DCC: variants seen among roughly 807,000 people sequenced by gnomAD.
DCC encodes netrin receptor DCC.
DCC carries 58 observed loss-of-function variants against 172.5 expected under a neutral mutation model. The observed-to-expected ratio is 0.34, with a 90% CI of 0.27 to 0.42. The LOEUF is 0.42. Ranked by LOEUF, DCC falls within the 10% of genes least tolerant of loss-of-function variation. The pLI is 1.00. For synonymous variants in DCC, 709 were observed against 644.5 expected, an observed-to-expected ratio of 1.10 and a Z score of -1.52; for missense variants, 1,740 against 1,791.0, an observed-to-expected ratio of 0.97 and a Z score of 0.51.
chr18:52,852,755 C>T (rs1200560115), intron 2 of DCC, among the ~76,000 whole-genome samples: 1 of 152,092 alleles, frequency 6.6e-6, no homozygotes, highest in Non-Finnish European at 1.5e-5. Context: ...ATTCTCCAAG[C>T]CACATAAATA....
chr18:53,501,667 A>G (rs1011893953), intron 27 of DCC, among the ~76,000 whole-genome samples: 4 of 152,194 alleles, frequency 2.6e-5, no homozygotes, highest in African/African-American at 9.7e-5. Context: ...TCGGCTTGCA[A>G]GTAAAAACTT....
At chr18:52,632,969 C>A (rs2034705142) in intron 1 of DCC, among the ~76,000 whole-genome samples, 1 of 152,106 alleles carries the variant, frequency 6.6e-6, no homozygotes, top group African/African-American at 2.4e-5. Flanking sequence ...GGCTGTTCCC[C>A]AGGGATAATT....
chr18:53,481,186 C>G (rs1295886102), intron 25 of DCC: 2 of 152,178 alleles, frequency 1.3e-5, no homozygotes, highest in East Asian at 3.9e-4. Context: ...CTACTGCTCA[C>G]CAGACCAATC....
Position 52,551,784 on chromosome 18 carries a change from T to G in DCC, c.92-200270T>G, listed in dbSNP as rs141938131. Among the ~76,000 whole-genome samples the G allele has an allele frequency of 6.6e-5, 10 of 151,338 alleles. No homozygotes were observed. In the East Asian group the frequency reaches 1.9e-3, roughly 29 times the overall value. On this transcript the variant is annotated intron_variant, in intron 1 of 28. Transcript: ENST00000442544. Reference sequence around the variant, plus strand: ...CACACACACACTTTGCAGCATGAATTACTATTTCTAGTAGAGGAGAGATGG... The same window carrying G: ...CACACACACACTTTGCAGCATGAATGACTATTTCTAGTAGAGGAGAGATGG...
intron 12 of DCC, among the ~76,000 whole-genome samples, chr18:53,250,603 G>T (rs964117401): frequency 8.0e-6 from 1 of 125,548 alleles, no homozygotes; most frequent in Non-Finnish European, 1.7e-5. Context: ...ATCCTTCCTA[G>T]TGTCCTTCCT....
chr18:53,525,848 C>A (rs550952346), intron 27 of DCC, among the ~76,000 whole-genome samples: 79 of 152,188 alleles, frequency 5.2e-4, no homozygotes, highest in African/African-American at 1.8e-3. Flanking sequence ...GTGAGGTGTA[C>A]TAGCTGATTC....
At chr18:53,110,976 A>G (rs1259507836) in intron 7 of DCC, among the ~76,000 whole-genome samples, 2 of 121,304 alleles carry the variant, frequency 1.6e-5, no homozygotes, top group African/African-American at 6.4e-5. Flanking sequence ...ACTATTCACA[A>G]TAGCAAAGAC....
intron 1 of DCC, among the ~76,000 whole-genome samples, chr18:52,728,172 C>T (rs1213587150): frequency 2.9e-5 from 4 of 139,620 alleles, no homozygotes; most frequent in Non-Finnish European, 6.2e-5. Context: ...TTGTGGGCCC[C>T]GTCTCTCTCT....
chr18:53,010,202 G>C (rs1449513654), intron 5 of DCC, among the ~76,000 whole-genome samples: 1 of 151,854 alleles, frequency 6.6e-6, no homozygotes, highest in Non-Finnish European at 1.5e-5. Flanking sequence ...AATTTGATCT[G>C]TTGTCATGAT....
chr18:53,453,325 T>G (rs1029569295), intron 23 of DCC, among the ~76,000 whole-genome samples: 2 of 152,196 alleles, frequency 1.3e-5, no homozygotes, highest in Non-Finnish European at 2.9e-5. Flanking sequence ...CAAAATCAAT[T>G]CCAATCTGAA....
At chr18:53,063,985 C>T (rs147220852) in intron 6 of DCC, among the ~76,000 whole-genome samples, 28 of 152,206 alleles carry the variant, frequency 1.8e-4, no homozygotes, top group African/African-American at 6.5e-4. Context: ...GTAATGAGGA[C>T]AGTGGGTGCT....
At position 53,257,043 on chromosome 18, in the gene DCC, G is replaced by T. The variant is rs184355406; in HGVS notation, c.1911+41446G>T. ...GTTATTGGTGTATAAGAATGCTTGT[G>T]ATTTTTTCACATTGATTTTGTATCC... is the stretch of plus-strand genomic sequence containing the variant. On this transcript the variant is annotated intron_variant, in intron 12 of 28. Coordinates refer to ENST00000442544, the MANE Select transcript of DCC (RefSeq NM_005215.4). Among the ~76,000 whole-genome samples, 190 of 152,296 alleles carry T rather than the reference G, an allele frequency of 1.2e-3. 1 individual carries two copies. The highest frequency in any genetic ancestry group is 4.0e-3 in the African/African-American group (168 of 41,570).
At chr18:52,343,746 T>C (rs1983757542) in intron 1 of DCC, among the ~76,000 whole-genome samples, 1 of 152,256 alleles carries the variant, frequency 6.6e-6, no homozygotes, top group African/African-American at 2.4e-5. Context: ...GAAAAAAATC[T>C]GTGAGTGTTT....
intron 21 of DCC, among the ~76,000 whole-genome samples, chr18:53,417,445 G>GA (rs1168121442): frequency 8.3e-6 from 1 of 119,792 alleles, no homozygotes; most frequent in Non-Finnish European, 2.1e-5. Context: ...TACTAAATGA[G>GA]ATTTGTAAAA....
intron 2 of DCC, among the ~76,000 whole-genome samples, chr18:52,837,854 G>T (rs1332422563): frequency 6.6e-6 from 1 of 152,144 alleles, no homozygotes; most frequent in Non-Finnish European, 1.5e-5. Flanking sequence ...AGATTTAATT[G>T]ACTCACAGTT....
chr18:52,431,745 C>T (rs1987632141), intron 1 of DCC, among the ~76,000 whole-genome samples: 1 of 152,120 alleles, frequency 6.6e-6, no homozygotes, highest in Non-Finnish European at 1.5e-5. Flanking sequence ...GTTCCAGAGA[C>T]ACTAGCCTTT....
rs1020009317 is a variant in DCC, at chr18:53,499,294, G to A, written c.3899-4G>A. 9.3e-6 allele frequency: 15 copies of A among 1,613,912 alleles called. No individual in the cohort carries two copies. The highest frequency in any genetic ancestry group is 6.8e-6 in the Non-Finnish European group (8 of 1,179,922). ...ATGAATGACTTTTCTTGTCTCCACTGCAGCAGTGAGTGAAGGACCAACTAC... is the reference window on the plus strand; with the variant it reads ...ATGAATGACTTTTCTTGTCTCCACTACAGCAGTGAGTGAAGGACCAACTAC... On this transcript the variant is annotated splice_polypyrimidine_tract_variant and splice_region_variant and intron_variant, in intron 26 of 28. Transcript: ENST00000442544.
chr18:52,340,915 T>A (rs1381948472), intron 1 of DCC, 37 bp downstream of exon 1: 1 of 1,443,786 alleles, frequency 6.9e-7, no homozygotes, highest in East Asian at 2.3e-5. Flanking sequence ...TCGCACCCCC[T>A]TCCGTACCCC....
chr18:52,387,293 T>C (rs1329754826), intron 1 of DCC, among the ~76,000 whole-genome samples: 1 of 152,040 alleles, frequency 6.6e-6, no homozygotes, highest in Non-Finnish European at 1.5e-5. Context: ...GATGACATCA[T>C]GGACATCAGG....
Sources: allele counts gnomAD v4.1 joint callset (sites outside exome capture counted in the v4.1 genomes callset), GRCh38; gene constraint gnomAD v4.1.1; transcripts MANE v1.5; gene names NCBI Gene and HGNC (gene_info 2026-07-23, HGNC 2026-07-21).